ROS1: variants seen among roughly 807,000 people sequenced by gnomAD.
The protein encoded by ROS1 is proto-oncogene tyrosine-protein kinase ROS.
Under a neutral mutation model 273.5 loss-of-function variants are expected in ROS1, and 263 were observed. The ratio of observed to expected loss-of-function variants is 0.96; its 90% CI spans 0.87 to 1.06. ROS1 has a LOEUF of 1.06. Ranked by LOEUF, ROS1 falls within the 50% of genes least tolerant of loss-of-function variation. The pLI is 0.00. For missense variants in ROS1, 2,833 were observed against 2,751.1 expected (o/e 1.03, Z -0.67); for synonymous variants, 1,008 against 954.1 (o/e 1.06, Z -1.04).
Position 117,288,514 on chromosome 6 carries a change from C to T in ROS1, c.7004G>A (p.Gly2335Glu), listed in dbSNP as rs2128520493. 1 of 1,613,578 alleles carries T rather than the reference C, an allele frequency of 6.2e-7. No homozygotes were observed. The highest frequency in any genetic ancestry group is 1.3e-5 in the African/African-American group (1 of 74,968). Residue 2335 changes from glycine (G) to glutamate (E), a missense_variant, in exon 44 of 44, where the codon GGA becomes GAA. Coordinates refer to ENST00000368507, the MANE Select transcript of ROS1 (RefSeq NM_001378902.1). ...CTATTAATCAGACCCATCTCCATAT[C>T]CACTGTGAGTGAGACAGGCATAGTT... is the stretch of plus-strand genomic sequence containing the variant. ...GLNYACLTHS[G>E]YGDGSD
At chr6:117,397,384 C>T (rs536284028) in intron 7 of ROS1, among the ~76,000 whole-genome samples, 28 of 151,860 alleles carry the variant, frequency 1.8e-4, no homozygotes, top group Admixed American at 1.1e-3. Flanking sequence ...ACAATAATGG[C>T]CCTTTTAAAA....
At chr6:117,329,505 G>GA (rs1379530802) in intron 32 of ROS1, 59 bp from the exon 33 acceptor site, 2 of 814,186 alleles carry the variant, frequency 2.5e-6, no homozygotes, top group Non-Finnish European at 4.2e-6. Flanking sequence ...CTTCTGCACT[G>GA]AAATCTTTCT....
intron 7 of ROS1, among the ~76,000 whole-genome samples, chr6:117,402,899 AAAAAAAG>A (rs1774066339): frequency 6.6e-6 from 1 of 151,770 alleles, no homozygotes; most frequent in African/African-American, 2.4e-5. Flanking sequence ...AAAAAAAAAA[AAAAAAAG>A]AAAAGAAAAG....
chr6:117,321,317 C>T lies in ROS1; in HGVS notation c.5701G>A (p.Ala1901Thr), dbSNP rs1193401267. The T allele has an allele frequency of 6.2e-6, 10 of 1,613,674 alleles. No homozygotes were observed. The highest frequency in any genetic ancestry group is 8.5e-6 in the Non-Finnish European group (10 of 1,179,820). The change falls in exon 36 of 44, where the codon GCT becomes ACT. Residue 1901 changes from alanine (A) to threonine (T), a missense_variant. Ala to Thr is a moderately conservative substitution (Grantham distance 58). Transcript: ENST00000368507. ...CCGGCTGCCAGACCTCGCAGCTCAG[C>T]CAACTCTTTGTCTTCGTTTATAAGC... is the stretch of plus-strand genomic sequence containing the variant. ...TVLINEDKELAELRGLAAGVG... is the reference protein window; with the variant it reads ...TVLINEDKELTELRGLAAGVG...
chr6:117,412,534 A>G (rs1562383843), intron 4 of ROS1, among the ~76,000 whole-genome samples: 1 of 152,140 alleles, frequency 6.6e-6, no homozygotes, highest in African/African-American at 2.4e-5. Flanking sequence ...TCAATGAGTA[A>G]GGAGTTTGAT....
intron 43 of ROS1, among the ~76,000 whole-genome samples, chr6:117,295,638 G>T (rs373150143): frequency 2.6e-5 from 4 of 152,068 alleles, no homozygotes; most frequent in East Asian, 3.8e-4. Context: ...CAAATAACTC[G>T]ATAGGAAAAA....
chr6:117,418,473 G>A lies in ROS1; in HGVS notation c.157C>T (p.Leu53=). The change falls in exon 2 of 44, where the codon CTG becomes TTG. Residue 53 remains leucine (L), a synonymous_variant. Transcript: ENST00000368507. The stretch of plus-strand genomic sequence containing the variant: ...AAGAAATTACTTACCGGTTCACTCA[G>A]ATTATGTGGTGTGCCAAGGTCAAGC... ...QQLDLGTPHN[L]SEPCIQGCHF... 1 of 1,598,610 alleles carries A rather than the reference G, an allele frequency of 6.3e-7. No individual in the cohort carries two copies. Among genetic ancestry groups the A allele is most frequent in the South Asian group, 1.1e-5 (1 of 87,746 alleles).
chr6:117,377,147 G>A lies in ROS1; in HGVS notation c.2582+1912C>T, dbSNP rs542171101. On this transcript the variant is annotated intron_variant, in intron 18 of 43. Coordinates refer to ENST00000368507, the MANE Select transcript of ROS1 (RefSeq NM_001378902.1). ...ATTATTTTGACAGAGTTTCACTCTT[G>A]TTGCCCAGGCTGGAGTGCAATGGCG... 7.2e-5 allele frequency among the ~76,000 whole-genome samples: 11 copies of A among 152,270 alleles called. No homozygotes were observed. The East Asian group carries it at 2.1e-3, about 29-fold the overall frequency.
At chr6:117,352,037 T>G (rs1778906321) in intron 27 of ROS1, among the ~76,000 whole-genome samples, 1 of 152,184 alleles carries the variant, frequency 6.6e-6, no homozygotes, top group South Asian at 2.1e-4. Flanking sequence ...TGCACCTTAG[T>G]GGCAAAGACG....
rs957947676 is a variant in ROS1 at position 117,317,144 on chromosome 6, G to A, written c.6116C>T (p.Thr2039Met). Residue 2039 changes from threonine to methionine, a missense_variant and splice_region_variant, in exon 39 of 44, where the codon ACG (threonine) becomes ATG (methionine). Coordinates refer to ENST00000368507, the MANE Select transcript of ROS1 (RefSeq NM_001378902.1). Reference protein sequence around the residue: ...LTYLRKARMATFYGPLLTLVD... With the variant: ...LTYLRKARMAMFYGPLLTLVD... ...ATATTATGGATCCCAACTGCCTACC[G>A]TTGCCATCCGGGCTTTACGCAAATA... 13 of 1,611,206 alleles carry A rather than the reference G, an allele frequency of 8.1e-6. No individual in the cohort carries two copies. Among genetic ancestry groups the A allele is most frequent in the African/African-American group, 5.4e-5 (4 of 74,726 alleles).
intron 23 of ROS1, 55 bp downstream of exon 23, chr6:117,360,287 C>CACACACACACACAT: frequency 7.4e-7 from 1 of 1,355,346 alleles, no homozygotes. Context: ...CACACACACA[C>CACACACACACACAT]ACACACACAC....
In ROS1 at chr6:117,344,128, T is replaced by C; in HGVS notation, c.4438A>G (p.Thr1480Ala). ...ACTTCTGCATAATAAACCAGGTATG[T>C]TGGAGTAGGGCTGGTGATGCCATAC... ...TWYGITSPTP[T>A]YLVYYAEVND... The change falls in exon 28 of 44, where the codon ACA (threonine) becomes GCA (alanine). Residue 1480 changes from threonine to alanine, a missense_variant. Transcript: ENST00000368507. The C allele has an allele frequency of 6.2e-7, 1 of 1,614,056 alleles. No homozygotes were observed. The highest frequency in any genetic ancestry group is 8.5e-7 in the Non-Finnish European group (1 of 1,179,932).
intron 9 of ROS1, 45 bp downstream of exon 9, chr6:117,396,143 C>T (rs988687058): frequency 6.6e-7 from 1 of 1,506,528 alleles, no homozygotes; most frequent in Non-Finnish European, 9.2e-7. Flanking sequence ...ACCACCCTTG[C>T]CACCCTCATT....
chr6:117,352,093 T>C (rs1230023287), intron 27 of ROS1, among the ~76,000 whole-genome samples: 1 of 152,218 alleles, frequency 6.6e-6, no homozygotes, highest in Non-Finnish European at 1.5e-5. Context: ...GTTTTTGTTT[T>C]TGTTTTCAGA....
At chr6:117,309,113 G>A (rs540297829) in intron 41 of ROS1, among the ~76,000 whole-genome samples, 185 bp from the exon 42 acceptor site, 7 of 152,124 alleles carry the variant, frequency 4.6e-5, no homozygotes, top group Non-Finnish European at 8.8e-5. Context: ...AAGACACTGC[G>A]TATGAGCAAA....
chr6:117,404,033 A>C (rs1253447251), intron 6 of ROS1, among the ~76,000 whole-genome samples: 1 of 152,202 alleles, frequency 6.6e-6, no homozygotes, highest in African/African-American at 2.4e-5. Flanking sequence ...TCAGGAGATG[A>C]GACCATCCTG....
In ROS1 at chr6:117,310,129, G is replaced by A. The variant is rs1297604319; in HGVS notation, c.6368C>T (p.Ala2123Val). ...GATTCCATCCATCAAACTTTCTGGA[G>A]CCATCCACCGAACTGGGAGCAGGCC... ...GEGLLPVRWM[A>V]PESLMDGIFT... The change falls in exon 41 of 44, where the codon GCT becomes GTT. Residue 2123 changes from alanine to valine, a missense_variant. By Grantham distance (64) the Ala-to-Val change is moderately conservative. Coordinates refer to ENST00000368507, the MANE Select transcript of ROS1 (RefSeq NM_001378902.1). 13 of 1,613,338 alleles carry A rather than the reference G, an allele frequency of 8.1e-6. No homozygotes were observed. The highest frequency in any genetic ancestry group is 1.0e-5 in the Non-Finnish European group (12 of 1,179,634).
intron 42 of ROS1, among the ~76,000 whole-genome samples, chr6:117,306,032 T>TTG (rs754641953): frequency 9.9e-6 from 1 of 101,330 alleles, no homozygotes; most frequent in Non-Finnish European, 2.3e-5. Flanking sequence ...CTCCTCAAGT[T>TTG]TTTTTTTTTT....
Position 117,400,349 on chromosome 6 carries a change from T to A in ROS1, c.604+2790A>T, listed in dbSNP as rs546561112. ...ACCTTACTATGAGGTTAGTTAGGCA[T>A]GTGCTTTATCTCTTCTACAAGGGAG... On this transcript the variant is annotated intron_variant, in intron 7 of 43. Transcript: ENST00000368507. 2.6e-5 allele frequency among the ~76,000 whole-genome samples: 4 copies of A among 152,372 alleles called. No homozygotes were observed. The South Asian group carries it at 8.3e-4, about 32-fold the overall frequency.
Sources: allele counts gnomAD v4.1 joint callset (sites outside exome capture counted in the v4.1 genomes callset), GRCh38; gene constraint gnomAD v4.1.1; transcripts MANE v1.5; gene names NCBI Gene and HGNC (gene_info 2026-07-23, HGNC 2026-07-21).